The following LRGUK variants were observed in gnomAD, a reference collection of about 807,000 sequenced individuals.
LRGUK encodes leucine-rich repeat and guanylate kinase domain-containing protein.
LRGUK carries 65 observed loss-of-function variants against 76.0 expected under a neutral mutation model. The observed-to-expected ratio is 0.85, with a 90% CI of 0.70 to 1.05. The LOEUF (loss-of-function observed/expected upper bound fraction) is 1.05, where lower values mean the gene tolerates loss of function less well. Ranked by LOEUF, LRGUK falls within the 50% of genes least tolerant of loss-of-function variation. The pLI, the probability that LRGUK is intolerant of heterozygous loss-of-function variation, is 0.00. For synonymous variants in LRGUK, 268 were observed against 265.6 expected (o/e 1.01, Z -0.09); for missense variants, 758 against 732.8 (o/e 1.03, Z -0.40).
intron 4 of LRGUK, among the ~76,000 whole-genome samples, chr7:134,143,970 C>T (rs1379175071): frequency 6.6e-6 from 1 of 152,184 alleles, no homozygotes; most frequent in Non-Finnish European, 1.5e-5. Context: ...GAAGTGGTTC[C>T]CACACTCTTC....
intron 2 of LRGUK, among the ~76,000 whole-genome samples, chr7:134,139,091 G>A (rs1163807979): frequency 6.6e-6 from 1 of 151,880 alleles, no homozygotes; most frequent in Non-Finnish European, 1.5e-5. Context: ...CTTCTACTAG[G>A]TAAAGGCCTT....
At chr7:134,142,268 G>A (rs1797798158) in intron 3 of LRGUK, among the ~76,000 whole-genome samples, 1 of 152,184 alleles carries the variant, frequency 6.6e-6, no homozygotes, top group Non-Finnish European at 1.5e-5. Context: ...AGTAGAGACA[G>A]GGCCATAACC....
At chr7:134,246,931 A>G (rs207468631) in intron 16 of LRGUK, among the ~76,000 whole-genome samples, 2 of 152,218 alleles carry the variant, frequency 1.3e-5, no homozygotes, top group Non-Finnish European at 2.9e-5. Context: ...CTGTGTATCA[A>G]TGCATCCTCT....
intron 11 of LRGUK, among the ~76,000 whole-genome samples, chr7:134,191,243 T>C (rs1424855087): frequency 2.6e-5 from 4 of 152,142 alleles, no homozygotes; most frequent in Non-Finnish European, 4.4e-5. Flanking sequence ...ACATTTAAAC[T>C]GAGTTCTGAG....
At chr7:134,171,295 G>A (rs189696120) in intron 7 of LRGUK, among the ~76,000 whole-genome samples, 44 of 151,874 alleles carry the variant, frequency 2.9e-4, no homozygotes, top group African/African-American at 7.7e-4. Flanking sequence ...TGGGTTCCCC[G>A]CAGTTTGAAA....
chr7:134,209,902 C>A, exon 16 of LRGUK: 1 of 399,306 alleles, frequency 2.5e-6, no homozygotes. Context: ...AAGTGAGGCT[C>A]CCTCGCATTC....
chr7:134,242,708 C>G (rs530324019), intron 16 of LRGUK, among the ~76,000 whole-genome samples: 2 of 152,258 alleles, frequency 1.3e-5, no homozygotes, highest in East Asian at 1.9e-4. Context: ...TTTTATGAAG[C>G]CAACATCATC....
chr7:134,207,656 C>G (rs1801064539), intron 15 of LRGUK, among the ~76,000 whole-genome samples: 1 of 152,256 alleles, frequency 6.6e-6, no homozygotes, highest in African/African-American at 2.4e-5. Flanking sequence ...GGATCGGGGG[C>G]TGGGAGCCTG....
chr7:134,174,672 A>G (rs1799410150), intron 8 of LRGUK, 36 bp downstream of exon 8: 1 of 1,201,794 alleles, frequency 8.3e-7, no homozygotes, highest in Non-Finnish European at 1.2e-6. Context: ...GGAGACAGAG[A>G]AGAAAGTGGG....
rs1404728900 is a variant in LRGUK, at chr7:134,241,237, A to C, written c.1984-6319A>C. 2.0e-5 allele frequency among the ~76,000 whole-genome samples: 3 copies of C among 152,362 alleles called. 1 individual carries two copies. In the South Asian group the frequency reaches 6.2e-4, roughly 32 times the overall value. On this transcript the variant is annotated intron_variant, in intron 16 of 19. Transcript: ENST00000285928. ...TAAATGTAAATGGGCTAAATGCTCCAATTAAAAGACACAGACTGGCAAATT... is the reference window on the plus strand; with the variant it reads ...TAAATGTAAATGGGCTAAATGCTCCCATTAAAAGACACAGACTGGCAAATT...
intron 15 of LRGUK, among the ~76,000 whole-genome samples, chr7:134,217,114 C>T (rs1823937488): frequency 2.0e-5 from 3 of 146,904 alleles, no homozygotes; most frequent in Admixed American, 1.4e-4. Flanking sequence ...GTTTTATCTT[C>T]TTTAAAGTGT....
chr7:134,184,275 CTTTTTTTTT>C (rs927208408), intron 11 of LRGUK, among the ~76,000 whole-genome samples: 1 of 144,442 alleles, frequency 6.9e-6, no homozygotes, highest in Non-Finnish European at 1.5e-5. Context: ...TCTTTTTTTT[CTTTTTTTTT>C]TTTGATACGG....
At chr7:134,214,301 A>G (rs950817311), downstream of LRGUK, among the ~76,000 whole-genome samples, 9 of 152,130 alleles carry the variant, frequency 5.9e-5, no homozygotes, top group African/African-American at 2.2e-4. Flanking sequence ...TGCACTTTCT[A>G]TGTCTCAGGA....
intron 7 of LRGUK, among the ~76,000 whole-genome samples, chr7:134,170,206 G>A (rs1257588983): frequency 3.3e-5 from 5 of 151,826 alleles, no homozygotes; most frequent in Non-Finnish European, 5.9e-5. Flanking sequence ...TCGTTCTTCT[G>A]CTTTTCGTTG....
chr7:134,200,005 T>TAC (rs1800693113), intron 14 of LRGUK, among the ~76,000 whole-genome samples: 1 of 128,632 alleles, frequency 7.8e-6, no homozygotes, highest in South Asian at 2.5e-4. Flanking sequence ...TATATATATA[T>TAC]ATATATATAT....
At chr7:134,247,705 G>A in intron 17 of LRGUK, 61 bp downstream of exon 17, 1 of 1,307,474 alleles carries the variant, frequency 7.6e-7, no homozygotes. Context: ...TAGATCAAAT[G>A]AATCCTAAAT....
intron 14 of LRGUK, among the ~76,000 whole-genome samples, chr7:134,200,177 C>G (rs2117087183): frequency 6.6e-6 from 1 of 150,890 alleles, no homozygotes; most frequent in Admixed American, 6.6e-5. Flanking sequence ...GCTGGGATTA[C>G]AGGTGCCCGC....
chr7:134,215,195 A>G (rs905831495), downstream of LRGUK, among the ~76,000 whole-genome samples: 6 of 152,190 alleles, frequency 3.9e-5, no homozygotes, highest in African/African-American at 1.4e-4. Context: ...ATCATGACCC[A>G]GTAAACACAT....
chr7:134,153,562 A>G (rs750977805), intron 5 of LRGUK, among the ~76,000 whole-genome samples: 3 of 152,188 alleles, frequency 2.0e-5, no homozygotes, highest in African/African-American at 4.8e-5. Context: ...GAGACCATCT[A>G]GTGCTAATCA....
Sources: gnomAD v4.1 joint callset for allele counts (sites outside exome capture counted in the v4.1 genomes callset) on GRCh38, gnomAD v4.1.1 for gene constraint, MANE v1.5 for transcripts, NCBI Gene and HGNC (gene_info 2026-07-23, HGNC 2026-07-21) for gene names.